The following SLC38A11 variants were observed in gnomAD, a reference collection of about 807,000 sequenced individuals.
SLC38A11 encodes putative sodium-coupled neutral amino acid transporter 11.
A neutral mutation model predicts 49.4 loss-of-function variants in SLC38A11; 51 were observed. The observed-to-expected ratio is 1.03, with a 90% confidence interval of 0.83 to 1.30. The LOEUF is 1.30. Ranked by LOEUF, SLC38A11 falls within the 50% of genes most tolerant of loss-of-function variation. The pLI, the probability that SLC38A11 is intolerant of heterozygous loss-of-function variation, is 0.00. For missense variants in SLC38A11, 574 were observed against 556.2 expected (o/e 1.03, Z -0.32); for synonymous variants, 203 against 192.9 (o/e 1.05, Z -0.43).
intron 7 of SLC38A11, among the ~76,000 whole-genome samples, chr2:164,920,052 G>A (rs1047231347): frequency 2.6e-5 from 4 of 152,026 alleles, no homozygotes; most frequent in Admixed American, 2.0e-4. Flanking sequence ...GAGGGAGGTG[G>A]GTCACAAGGT....
At chr2:164,902,357 C>T (rs1268236425) in intron 11 of SLC38A11, among the ~76,000 whole-genome samples, 1 of 152,062 alleles carries the variant, frequency 6.6e-6, no homozygotes, top group Non-Finnish European at 1.5e-5. Flanking sequence ...CTTATTATGA[C>T]ATTTCACAAA....
Position 164,920,292 on chromosome 2 carries a change from A to AAG in SLC38A11, c.618-4320_618-4319insCT, listed in dbSNP as rs1553495695. Among the ~76,000 whole-genome samples, 604 of 151,938 alleles carry AAG rather than the reference A, an allele frequency of 4.0e-3. 1 individual carries two copies. Among genetic ancestry groups the AAG allele is most frequent in the African/African-American group, 0.013 (525 of 41,472 alleles). ...CAAGACTCCGTTAAAAAAAAAAAAA[A>AAG]AAAGAAAGGAAGGAAGAAAGAAATA... On this transcript the variant is annotated intron_variant, in intron 7 of 11. Coordinates refer to ENST00000685975, the MANE Select transcript of SLC38A11 (RefSeq NM_001351537.2).
intron 11 of SLC38A11, 120 bp from the exon 12 acceptor site, chr2:164,898,850 G>T: frequency 2.2e-6 from 2 of 902,800 alleles, no homozygotes; most frequent in Non-Finnish European, 3.3e-6. Flanking sequence ...GATAGGTTCA[G>T]TTGAATCAAA....
chr2:164,915,514 T>C (rs1685720396), intron 8 of SLC38A11: 2 of 436,330 alleles, frequency 4.6e-6, no homozygotes, highest in Non-Finnish European at 8.1e-6. Flanking sequence ...TCCAACATTC[T>C]CTCTCATTTT....
chr2:164,946,960 G>C (rs572215372), intron 3 of SLC38A11, among the ~76,000 whole-genome samples: 2 of 151,692 alleles, frequency 1.3e-5, no homozygotes, highest in Non-Finnish European at 1.5e-5. Context: ...TCTCGTTGTC[G>C]TTGTTGATCA....
intron 5 of SLC38A11, 120 bp downstream of exon 5, chr2:164,944,449 C>G (rs1687976327): frequency 2.6e-6 from 1 of 390,234 alleles, no homozygotes; most frequent in Admixed American, 4.6e-5. Context: ...TGTGAGATAC[C>G]TGAAGTAATC....
intron 4 of SLC38A11, 39 bp downstream of exon 4, chr2:164,945,554 T>C: frequency 1.3e-6 from 2 of 1,559,014 alleles, no homozygotes; most frequent in Non-Finnish European, 1.7e-6. Context: ...CATATGCTTA[T>C]GCACATAATT....
chr2:164,908,781 A>G lies in SLC38A11; in HGVS notation c.964-10T>C. Reference sequence around the variant, plus strand: ...ACACATTGGCAATTACCTGCCGAATAAACAGATTATTTTGAGAGGGACTTT... The same window carrying G: ...ACACATTGGCAATTACCTGCCGAATGAACAGATTATTTTGAGAGGGACTTT... On this transcript the variant is annotated splice_polypyrimidine_tract_variant and intron_variant, in intron 10 of 11. Transcript: ENST00000685975. The G allele has an allele frequency of 6.2e-7, 1 of 1,604,250 alleles. No individual in the cohort carries two copies. Among genetic ancestry groups the G allele is most frequent in the African/African-American group, 1.3e-5 (1 of 74,682 alleles).
In SLC38A11 at chr2:164,954,672, AG is replaced by A; in HGVS notation, c.112del (p.Leu38PhefsTer9). 6.5e-7 allele frequency: 1 copy of A among 1,541,986 alleles called. No individual in the cohort carries two copies. Among genetic ancestry groups the A allele is most frequent in the Non-Finnish European group, 8.8e-7 (1 of 1,141,916 alleles). On this transcript the variant is annotated frameshift_variant, in exon 2 of 12. Transcript: ENST00000685975. LOFTEE classifies it high-confidence loss of function. ...TATAATCGAGTTGACAACATTAAAA[AG>A]AGCAGCAGACTGACAGGTTTTCTCT... ...YKEKTCQSAA[L>X]FNVVNSIIGS...
At chr2:164,902,894 C>T (rs1008804214) in intron 11 of SLC38A11, among the ~76,000 whole-genome samples, 69 of 152,068 alleles carry the variant, frequency 4.5e-4, no homozygotes, top group Non-Finnish European at 6.0e-4. Context: ...ATACCAAAAT[C>T]ATGTTCTAAT....
At chr2:164,913,726 T>TAG in intron 9 of SLC38A11, among the ~76,000 whole-genome samples, 1 of 152,182 alleles carries the variant, frequency 6.6e-6, no homozygotes, top group Non-Finnish European at 1.5e-5. Flanking sequence ...CCAGAGCCCA[T>TAG]AGGCCATTTG....
rs1685694690 is a variant in SLC38A11 at position 164,915,241 on chromosome 2, A to C, written c.721T>G (p.Tyr241Asp). 11 of 1,609,650 alleles carry C rather than the reference A, an allele frequency of 6.8e-6. No individual in the cohort carries two copies. The highest frequency in any genetic ancestry group is 8.5e-6 in the Non-Finnish European group (10 of 1,178,034). Residue 241 changes from tyrosine to aspartate, a missense_variant, in exon 9 of 12, where the codon TAC (tyrosine) becomes GAC (aspartate). Transcript: ENST00000685975. ...FICHHNSFLV[Y>D]SSLEEPTVAK... ...ACTGTGGGTTCTTCTAGAGAACTGT[A>C]AACTAAGAAGGAGTTATGGTGGCAA...
chr2:164,894,975 A>G lies in SLC38A11; in HGVS notation c.*3462T>C, dbSNP rs1036737853. On this transcript the variant is annotated 3_prime_UTR_variant, in exon 12 of 12. Transcript: ENST00000685975. ...ATGTCCAACTTCCAGCCTTTTTCAA[A>G]CGTGGTCCCTGAACCAGCAGCAGCA... 3.3e-5 allele frequency among the ~76,000 whole-genome samples: 5 copies of G among 152,146 alleles called. No individual in the cohort carries two copies. Among genetic ancestry groups the G allele is most frequent in the Middle Eastern group, 6.8e-3 (2 of 294 alleles).
Position 164,915,961 on chromosome 2 carries a change from T to C in SLC38A11, c.630A>G (p.Glu210=). 1 of 1,592,396 alleles carries C rather than the reference T, an allele frequency of 6.3e-7. No homozygotes were observed. Among genetic ancestry groups the C allele is most frequent in the Non-Finnish European group, 8.6e-7 (1 of 1,163,884 alleles). Residue 210 remains glutamate, a synonymous_variant, in exon 8 of 12, where the codon GAA becomes GAG. Coordinates refer to ENST00000685975, the MANE Select transcript of SLC38A11 (RefSeq NM_001351537.2). ...ISLGPHIPKT[E]DAWVFAKPNA... ...TGGGCTTTGCAAATACCCAAGCGTC[T>C]TCTGTTTTTGGTCTAGAAGAAAAAT...
At chr2:164,938,026 A>C (rs1036640860) in intron 6 of SLC38A11, among the ~76,000 whole-genome samples, 1 of 152,046 alleles carries the variant, frequency 6.6e-6, no homozygotes, top group African/African-American at 2.4e-5. Context: ...ACTGGTTAAA[A>C]TATAAACTGG....
intron 5 of SLC38A11, among the ~76,000 whole-genome samples, chr2:164,940,761 T>TAG (rs1491290395): frequency 6.6e-6 from 1 of 150,640 alleles, no homozygotes; most frequent in Non-Finnish European, 1.5e-5. Flanking sequence ...TATATATATA[T>TAG]GTGTATGTGT....
chr2:164,915,892 C>T lies in SLC38A11; in HGVS notation c.688+11G>A. 6.3e-7 allele frequency: 1 copy of T among 1,591,722 alleles called. No homozygotes were observed. The highest frequency in any genetic ancestry group is 8.6e-7 in the Non-Finnish European group (1 of 1,163,708). ...CACATTGAGAAAGGGCCTTTGAAAC[C>T]AAATACTCACCAAAAGACATAACCC... On this transcript the variant is annotated intron_variant, in intron 8 of 11. Transcript: ENST00000685975.
chr2:164,915,910 CATA>C lies in SLC38A11; in HGVS notation c.678_680del (p.Met227del). 1.2e-6 allele frequency: 2 copies of C among 1,601,632 alleles called. No homozygotes were observed. Among genetic ancestry groups the C allele is most frequent in the Non-Finnish European group, 1.7e-6 (2 of 1,170,890 alleles). Reference sequence around the variant, plus strand: ...TTGAAACCAAATACTCACCAAAAGACATAACCCCGACCGCTTGAATGGCATTGG... The same window carrying C: ...TTGAAACCAAATACTCACCAAAAGACACCCCGACCGCTTGAATGGCATTGG... On this transcript the variant is annotated inframe_deletion, in exon 8 of 12. Coordinates refer to ENST00000685975, the MANE Select transcript of SLC38A11 (RefSeq NM_001351537.2).
chr2:164,952,576 C>A, intron 3 of SLC38A11, 131 bp downstream of exon 3: 2 of 709,774 alleles, frequency 2.8e-6, no homozygotes, highest in South Asian at 1.6e-5. Flanking sequence ...TGCTTAAATT[C>A]TTTAGGATTC....
Sources: gnomAD v4.1 joint callset for allele counts (sites outside exome capture counted in the v4.1 genomes callset) on GRCh38, gnomAD v4.1.1 for gene constraint, MANE v1.5 for transcripts, NCBI Gene and HGNC (gene_info 2026-07-23, HGNC 2026-07-21) for gene names.